The following BCAS3 variants were observed in gnomAD, a reference collection of about 807,000 sequenced individuals.
The protein encoded by BCAS3 is BCAS3 microtubule associated cell migration factor.
Under a neutral mutation model 116.1 loss-of-function variants are expected in BCAS3, and 53 were observed. That is an observed-to-expected ratio of 0.46 (90% CI 0.37 to 0.57). The LOEUF is 0.57. BCAS3 is among the 20% of genes least tolerant of loss of function. BCAS3 has a pLI of 0.00. For synonymous variants in BCAS3, 391 were observed against 408.2 expected, an observed-to-expected ratio of 0.96 and a Z score of 0.51; for missense variants, 917 against 1,165.4, an observed-to-expected ratio of 0.79 and a Z score of 3.10.
chr17:60,790,146 AT>A (rs1329492147), intron 6 of BCAS3, among the ~76,000 whole-genome samples: 3 of 152,148 alleles, frequency 2.0e-5, no homozygotes, highest in Non-Finnish European at 4.4e-5. Context: ...AACTTTATAA[AT>A]TTTTAGTAAG....
rs759133042 is a variant in BCAS3, at chr17:60,868,640, A to C, written c.541A>C (p.Ile181Leu). ...SLRTGEMVKS[I>L]QFKTPIYDLH... Reference sequence around the variant, plus strand: ...TCGTACTGGGGAGATGGTCAAGTCCATTCAATTTAAGACACCTATTTATGA... The same window carrying C: ...TCGTACTGGGGAGATGGTCAAGTCCCTTCAATTTAAGACACCTATTTATGA... The change falls in exon 8 of 24, where the codon ATT becomes CTT. Residue 181 changes from isoleucine to leucine, a missense_variant. Physicochemically the swap from Ile to Leu is conservative, Grantham distance 5. Transcript: ENST00000407086. 7 of 1,605,208 alleles carry C rather than the reference A, an allele frequency of 4.4e-6. No individual in the cohort carries two copies. Among genetic ancestry groups the C allele is most frequent in the Non-Finnish European group, 5.9e-6 (7 of 1,176,560 alleles).
At chr17:61,179,678 T>TGCCACATAAAGG (rs2079362071) in intron 22 of BCAS3, among the ~76,000 whole-genome samples, 1 of 152,248 alleles carries the variant, frequency 6.6e-6, no homozygotes, top group East Asian at 1.9e-4. Flanking sequence ...GGCTTTATGG[T>TGCCACATAAAGG]GGTATTAGTG....
At chr17:61,177,635 A>G (rs1379842934) in intron 22 of BCAS3, among the ~76,000 whole-genome samples, 2 of 152,232 alleles carry the variant, frequency 1.3e-5, no homozygotes, top group East Asian at 1.9e-4. Flanking sequence ...GATTGTGGTG[A>G]TGATTTCATG....
chr17:60,749,545 T>C (rs970389511), intron 6 of BCAS3, among the ~76,000 whole-genome samples: 51 of 152,228 alleles, frequency 3.4e-4, no homozygotes, highest in African/African-American at 1.2e-3. Flanking sequence ...TCACTCTTTC[T>C]ATAACTTGTA....
intron 7 of BCAS3, chr17:60,821,914 A>C (rs922023178): frequency 6.6e-6 from 1 of 152,176 alleles, no homozygotes; most frequent in African/African-American, 2.4e-5. Flanking sequence ...GAGCTCATGT[A>C]ATCCACCTGC....
intron 22 of BCAS3, among the ~76,000 whole-genome samples, chr17:61,267,731 A>T (rs1486343638): frequency 6.6e-6 from 1 of 151,810 alleles, no homozygotes; most frequent in East Asian, 1.9e-4. Flanking sequence ...CCAGAAAAAA[A>T]AAAAAAGAAA....
In BCAS3 at chr17:61,056,371, A is replaced by G. The variant is rs148320068; in HGVS notation, c.2029+15479A>G. Among the ~76,000 whole-genome samples, 16 of 152,322 alleles carry G rather than the reference A, an allele frequency of 1.1e-4. No individual in the cohort carries two copies. The highest frequency in any genetic ancestry group is 3.8e-4 in the African/African-American group (16 of 41,582). On this transcript the variant is annotated intron_variant, in intron 19 of 23. Coordinates refer to ENST00000407086, the MANE Select transcript of BCAS3 (RefSeq NM_017679.5). This position sits in a 1 kb window ranked among gnomAD's most constrained non-coding sequence, Gnocchi z 4.9. ...ATATACTGATAGAAGTCAGTAATTT[A>G]CTTGAAATATGTTGGGACAGGAAAA...
rs1479489084 is a variant in BCAS3 at position 61,034,366 on chromosome 17, A to G, written c.1638-300A>G. ...ACTATTGCTTCACTTTGAAATTTCT[A>G]GGGAAATGTTACTCATCTGAAAAGA... On this transcript the variant is annotated intron_variant, in intron 16 of 23. Transcript: ENST00000407086. The surrounding 1 kb of genome is among the most constrained non-coding windows in gnomAD (Gnocchi z 5.0). Among the ~76,000 whole-genome samples, 1 of 152,202 alleles carries G rather than the reference A, an allele frequency of 6.6e-6. No individual in the cohort carries two copies. Among genetic ancestry groups the G allele is most frequent in the Non-Finnish European group, 1.5e-5 (1 of 68,024 alleles).
chr17:60,942,105 C>A (rs945548292), intron 13 of BCAS3, among the ~76,000 whole-genome samples: 26 of 152,098 alleles, frequency 1.7e-4, no homozygotes, highest in Non-Finnish European at 3.5e-4. Flanking sequence ...AAATGGACAA[C>A]AAAGCATTCA....
At chr17:60,896,580 T>C (rs2145036529) in intron 10 of BCAS3, among the ~76,000 whole-genome samples, 1 of 147,068 alleles carries the variant, frequency 6.8e-6, no homozygotes, top group African/African-American at 2.7e-5. Context: ...ACCTTCTTTG[T>C]CTTTTTTTTT....
intron 6 of BCAS3, among the ~76,000 whole-genome samples, chr17:60,764,615 A>G (rs547615129): frequency 5.6e-4 from 86 of 152,240 alleles, no homozygotes; most frequent in Admixed American, 1.0e-3. Flanking sequence ...TTTACTTCCA[A>G]TTATGTGGTC....
At chr17:61,075,142 G>T in intron 20 of BCAS3, 122 bp downstream of exon 20, 1 of 724,204 alleles carries the variant, frequency 1.4e-6, no homozygotes, top group East Asian at 2.8e-5. Flanking sequence ...TCAAGAATTA[G>T]TTGTCTTTCC....
At chr17:61,039,248 C>T (rs1271010955) in intron 18 of BCAS3, among the ~76,000 whole-genome samples, 1 of 152,174 alleles carries the variant, frequency 6.6e-6, no homozygotes, top group Non-Finnish European at 1.5e-5. Flanking sequence ...TTTTCAAGAT[C>T]TATCCATGTT....
intron 5 of BCAS3, among the ~76,000 whole-genome samples, chr17:60,719,055 C>T (rs1028648736): frequency 6.6e-6 from 1 of 151,964 alleles, no homozygotes; most frequent in Non-Finnish European, 1.5e-5. Flanking sequence ...GAGCGAGGCT[C>T]TGTCTCAAAA....
At chr17:60,739,371 G>A (rs2041298685) in intron 5 of BCAS3, among the ~76,000 whole-genome samples, 1 of 152,184 alleles carries the variant, frequency 6.6e-6, no homozygotes, top group Non-Finnish European at 1.5e-5. Context: ...TGTAATCCCA[G>A]CACTTTGGGA....
At chr17:60,915,485 A>T (rs1213563656) in intron 12 of BCAS3, among the ~76,000 whole-genome samples, 1 of 151,962 alleles carries the variant, frequency 6.6e-6, no homozygotes, top group East Asian at 1.9e-4. Context: ...TTTGTATTTC[A>T]TGAGCATCCC....
intron 22 of BCAS3, among the ~76,000 whole-genome samples, chr17:61,177,987 C>T (rs2093761189): frequency 6.6e-6 from 1 of 152,064 alleles, no homozygotes; most frequent in Admixed American, 6.5e-5. Flanking sequence ...AATCTTTTGT[C>T]CTACATCTCT....
chr17:60,969,040 G>C (rs1188140710), intron 14 of BCAS3, among the ~76,000 whole-genome samples: 2 of 150,532 alleles, frequency 1.3e-5, no homozygotes, highest in Non-Finnish European at 3.0e-5. Flanking sequence ...GCAGAATCGG[G>C]GGAGGGGCAT....
rs914449610 is a variant in BCAS3 at position 61,327,562 on chromosome 17, T to C, written c.2426-40765T>C. Among the ~76,000 whole-genome samples, 2 of 151,932 alleles carry C rather than the reference T, an allele frequency of 1.3e-5. No homozygotes were observed. The highest frequency in any genetic ancestry group is 2.9e-5 in the Non-Finnish European group (2 of 67,982). On this transcript the variant is annotated intron_variant, in intron 22 of 23. Coordinates refer to ENST00000407086, the MANE Select transcript of BCAS3 (RefSeq NM_017679.5). This position sits in a 1 kb window ranked among gnomAD's most constrained non-coding sequence, Gnocchi z 5.9. ...CTCTGTCACCCAGGCTGGAGAGTAGTGTAGTGTCACAGTCTTGGCTTACTG... is the reference window on the plus strand; with the variant it reads ...CTCTGTCACCCAGGCTGGAGAGTAGCGTAGTGTCACAGTCTTGGCTTACTG...
Sources: allele counts gnomAD v4.1 joint callset (sites outside exome capture counted in the v4.1 genomes callset), GRCh38; gene constraint gnomAD v4.1.1; non-coding constraint Gnocchi (gnomAD v3.1); transcripts MANE v1.5; gene names NCBI Gene and HGNC (gene_info 2026-07-23, HGNC 2026-07-21).